AFAP1: variants seen among roughly 807,000 people sequenced by gnomAD.
The protein encoded by AFAP1 is actin filament associated protein 1.
AFAP1 carries 75 observed loss-of-function variants against 93.9 expected under a neutral mutation model. The observed-to-expected ratio is 0.80, with a 90% CI of 0.66 to 0.97. The LOEUF is 0.97. Among genes scored for constraint, AFAP1 ranks in the 50% least tolerant of loss-of-function variants. The pLI is 0.00. For missense variants in AFAP1, 1,201 were observed against 1,050.8 expected, an observed-to-expected ratio of 1.14 and a Z score of -1.98; for synonymous variants, 517 against 430.7, an observed-to-expected ratio of 1.20 and a Z score of -2.48.
intron 6 of AFAP1, among the ~76,000 whole-genome samples, chr4:7,836,690 C>A (rs184056902): frequency 6.6e-6 from 1 of 152,266 alleles, no homozygotes; most frequent in Non-Finnish European, 1.5e-5. Context: ...CTCAAGCTAT[C>A]GGCCCACCTT....
At chr4:7,932,383 G>T (rs1392564455) in intron 1 of AFAP1, among the ~76,000 whole-genome samples, 1 of 152,076 alleles carries the variant, frequency 6.6e-6, no homozygotes, top group Non-Finnish European at 1.5e-5. Flanking sequence ...TGGGCTTTTT[G>T]CTTCAGCCTT....
At chr4:7,822,171 A>G (rs757376435) in intron 6 of AFAP1, among the ~76,000 whole-genome samples, 3 of 152,180 alleles carry the variant, frequency 2.0e-5, no homozygotes, top group Non-Finnish European at 4.4e-5. Context: ...ATGTTCACGC[A>G]ATGGAAAACT....
chr4:7,933,824 T>C (rs1721235448), intron 1 of AFAP1, among the ~76,000 whole-genome samples: 1 of 152,138 alleles, frequency 6.6e-6, no homozygotes, highest in Non-Finnish European at 1.5e-5. Context: ...AATTCTCCAG[T>C]GAGGAATGCA....
At chr4:7,779,808 T>C (rs1389831465) in intron 13 of AFAP1, among the ~76,000 whole-genome samples, 2 of 152,212 alleles carry the variant, frequency 1.3e-5, no homozygotes, top group Non-Finnish European at 2.9e-5. Context: ...GGATAGAGCA[T>C]ATGGCACATA....
rs972029715 is a variant in AFAP1, at chr4:7,866,677, C to A, written c.225+1945G>T. On this transcript the variant is annotated intron_variant, in intron 3 of 17. Transcript: ENST00000420658. ...AATGGAAGAACTGCTGATTTCCCAT[C>A]TAGCTCTTCATCTTTTAAAATAACA... Among the ~76,000 whole-genome samples, 3 of 152,288 alleles carry A rather than the reference C, an allele frequency of 2.0e-5. No individual in the cohort carries two copies. In the South Asian group the frequency reaches 6.2e-4, roughly 32 times the overall value.
chr4:7,932,829 C>T (rs193260328), intron 1 of AFAP1, among the ~76,000 whole-genome samples: 3 of 151,800 alleles, frequency 2.0e-5, no homozygotes, highest in African/African-American at 7.3e-5. Context: ...TGACCAGCCT[C>T]GCCAACACAG....
chr4:7,897,585 C>T (rs548391146), intron 1 of AFAP1, among the ~76,000 whole-genome samples: 2 of 152,136 alleles, frequency 1.3e-5, no homozygotes, highest in Admixed American at 6.5e-5. Flanking sequence ...AGGGCAATGG[C>T]GTGATCTTGG....
intron 12 of AFAP1, among the ~76,000 whole-genome samples, chr4:7,783,049 A>C (rs537467981): frequency 1.3e-5 from 2 of 152,364 alleles, no homozygotes; most frequent in African/African-American, 2.4e-5. Context: ...GAGTGTGCAC[A>C]CTTTCATCTT....
At position 7,920,234 on chromosome 4, in the gene AFAP1, T is replaced by C. The variant is rs184290879; in HGVS notation, c.-3+19422A>G. Among the ~76,000 whole-genome samples the C allele has an allele frequency of 3.3e-3, 497 of 152,334 alleles. 2 individuals carry two copies. Among genetic ancestry groups the C allele is most frequent in the African/African-American group, 0.012 (484 of 41,570 alleles). Reference sequence around the variant, plus strand: ...ATCGCCACACTGTCTTCCACAACAGTTGAACTAATTTACATTCCCACCAAC... The same window carrying C: ...ATCGCCACACTGTCTTCCACAACAGCTGAACTAATTTACATTCCCACCAAC... On this transcript the variant is annotated intron_variant, in intron 1 of 17. Coordinates refer to ENST00000420658, the MANE Select transcript of AFAP1 (RefSeq NM_001134647.2).
chr4:7,897,288 A>G (rs758520100), intron 1 of AFAP1, among the ~76,000 whole-genome samples: 7 of 152,212 alleles, frequency 4.6e-5, no homozygotes, highest in Non-Finnish European at 4.4e-5. Flanking sequence ...ATGCAAACTG[A>G]GGACCTGCTG....
chr4:7,886,627 C>T (rs1257438259), intron 1 of AFAP1, among the ~76,000 whole-genome samples: 1 of 152,164 alleles, frequency 6.6e-6, no homozygotes, highest in Admixed American at 6.5e-5. Context: ...CCTTAAAAGT[C>T]AGATTAATTA....
intron 5 of AFAP1, among the ~76,000 whole-genome samples, chr4:7,840,964 CA>C (rs1206907120): frequency 6.6e-6 from 1 of 152,168 alleles, no homozygotes; most frequent in Non-Finnish European, 1.5e-5. Flanking sequence ...TAGCAAACCC[CA>C]CATCTCAAAC....
intron 11 of AFAP1, 114 bp from the exon 12 acceptor site, chr4:7,786,425 G>A (rs1193557173): frequency 9.6e-6 from 8 of 833,288 alleles, no homozygotes; most frequent in South Asian, 3.2e-5. Flanking sequence ...GGTCACAGGG[G>A]CAGAGAAGAA....
intron 10 of AFAP1, among the ~76,000 whole-genome samples, chr4:7,798,225 T>C (rs9683769): frequency 0.12 from 13,862 of 117,784 alleles, 2,567 homozygotes; most frequent in African/African-American, 0.2. Flanking sequence ...GCAACTCTAT[T>C]GGCTGGCTCA....
intron 5 of AFAP1, among the ~76,000 whole-genome samples, chr4:7,840,042 T>C (rs1712799049): frequency 1.3e-5 from 2 of 152,122 alleles, no homozygotes; most frequent in Admixed American, 1.3e-4. Context: ...GGTGGCTCAT[T>C]CTGCAGATTA....
chr4:7,847,223 A>C (rs28498817), intron 4 of AFAP1, among the ~76,000 whole-genome samples: 13,992 of 152,100 alleles, frequency 0.092, 1,186 homozygotes, highest in East Asian at 0.48. Flanking sequence ...CTCTCCAGAA[A>C]GTATGCTTAG....
chr4:7,890,848 G>T (rs1718429929), intron 1 of AFAP1, among the ~76,000 whole-genome samples: 1 of 152,134 alleles, frequency 6.6e-6, no homozygotes, highest in Non-Finnish European at 1.5e-5. Context: ...CGGTGGGAAG[G>T]CAGAGTTTGG....
In AFAP1 at chr4:7,868,609, G is replaced by A. The variant is rs768638823; in HGVS notation, c.225+13C>T. The A allele has an allele frequency of 7.5e-6, 12 of 1,608,956 alleles. No individual in the cohort carries two copies. Among genetic ancestry groups the A allele is most frequent in the South Asian group, 1.1e-5 (1 of 90,774 alleles). ...CCAGCGATGACCACTGAGATGGTGG[G>A]ACCTTGACTCACCAGCCAGGGCTGA... On this transcript the variant is annotated intron_variant, in intron 3 of 17. Transcript: ENST00000420658.
At chr4:7,774,402 C>A in intron 15 of AFAP1, 1 of 271,694 alleles carries the variant, frequency 3.7e-6, no homozygotes. Flanking sequence ...TGACCAGAAT[C>A]TACTGCGTCC....
Sources: allele counts gnomAD v4.1 joint callset (sites outside exome capture counted in the v4.1 genomes callset), GRCh38; gene constraint gnomAD v4.1.1; transcripts MANE v1.5; gene names NCBI Gene and HGNC (gene_info 2026-07-23, HGNC 2026-07-21).